The following MORC2 variants were observed in gnomAD, a reference collection of about 807,000 sequenced individuals.
MORC2 encodes the protein MORC family CW-type zinc finger 2.
Under a neutral mutation model 136.0 loss-of-function variants are expected in MORC2, and 30 were observed. That is an observed-to-expected ratio of 0.22 (90% CI 0.17 to 0.30). The LOEUF (loss-of-function observed/expected upper bound fraction) is 0.30, where lower values mean the gene tolerates loss of function less well. Among genes scored for constraint, MORC2 ranks in the 10% least tolerant of loss-of-function variants. The pLI is 1.00. For synonymous variants in MORC2, 439 were observed against 487.0 expected, an observed-to-expected ratio of 0.90 and a Z score of 1.30; for missense variants, 922 against 1,333.1, an observed-to-expected ratio of 0.69 and a Z score of 4.80.
intron 1 of MORC2, among the ~76,000 whole-genome samples, chr22:30,964,946 T>C (rs1217458736): frequency 1.3e-5 from 2 of 152,198 alleles, no homozygotes; most frequent in African/African-American, 2.4e-5. Context: ...ATGTTTACTG[T>C]GTACCACCGT....
At chr22:30,933,233 G>A (rs1248065468) in intron 21 of MORC2, among the ~76,000 whole-genome samples, 1 of 152,138 alleles carries the variant, frequency 6.6e-6, no homozygotes, top group Non-Finnish European at 1.5e-5. Context: ...CAAAAAGCAG[G>A]AGAACAAGTG....
At chr22:30,946,188 T>C (rs145638037) in intron 6 of MORC2, among the ~76,000 whole-genome samples, 153 bp downstream of exon 6, 1 of 152,294 alleles carries the variant, frequency 6.6e-6, no homozygotes, top group East Asian at 1.9e-4. Flanking sequence ...CCTCAACCAA[T>C]TCATCCAGCC....
rs561792208 is a variant in MORC2 at position 30,937,097 on chromosome 22, G to C, written c.1499-60C>G. 5.4e-6 allele frequency: 7 copies of C among 1,300,740 alleles called. No individual in the cohort carries two copies. The highest frequency in any genetic ancestry group is 1.2e-5 in the South Asian group (1 of 81,982). The allele number at this position is 1,300,740 out of a possible 1,614,324, so 80.6% of individuals were successfully genotyped here. A position where few individuals can be genotyped will look rare whatever the true frequency, so the allele number is the denominator to read the frequency against. ...CGCCCACCAACTCTATCTGTAATCC[G>C]GGTTCCTCACAGGCCCACCACAATG... On this transcript the variant is annotated intron_variant, in intron 15 of 25. Coordinates refer to ENST00000397641, the MANE Select transcript of MORC2 (RefSeq NM_001303256.3). This position sits in a 1 kb window ranked among gnomAD's most constrained non-coding sequence, Gnocchi z 4.7.
At chr22:30,961,994 G>C (rs2041053681) in intron 1 of MORC2, among the ~76,000 whole-genome samples, 1 of 152,042 alleles carries the variant, frequency 6.6e-6, no homozygotes, top group Non-Finnish European at 1.5e-5. Context: ...TCAGGAGTTT[G>C]AGACCAGCCT....
rs375749675 is a variant in MORC2 at position 30,933,562 on chromosome 22, C to G, written c.2326-42G>C. ...CTATTAGAGGCATCCCCAGTGCCCCCCAAGAGCAGACTTGTGCCTTACTGG... is the reference window on the plus strand; with the variant it reads ...CTATTAGAGGCATCCCCAGTGCCCCGCAAGAGCAGACTTGTGCCTTACTGG... On this transcript the variant is annotated intron_variant, in intron 20 of 25. Coordinates refer to ENST00000397641, the MANE Select transcript of MORC2 (RefSeq NM_001303256.3). 2.5e-6 allele frequency: 4 copies of G among 1,606,874 alleles called. No homozygotes were observed. In the South Asian group the frequency reaches 3.3e-5, roughly 13 times the overall value.
intron 5 of MORC2, among the ~76,000 whole-genome samples, chr22:30,947,146 C>T (rs1363660323): frequency 1.3e-5 from 2 of 152,206 alleles, no homozygotes; most frequent in Admixed American, 1.3e-4. Flanking sequence ...ATCTCCTGTC[C>T]CAGAAGTGTT....
rs1369195279 is a variant in MORC2, at chr22:30,934,190, G to C, written c.2195C>G (p.Ala732Gly). The C allele has an allele frequency of 5.0e-6, 8 of 1,614,128 alleles. No individual in the cohort carries two copies. The highest frequency in any genetic ancestry group is 6.8e-6 in the Non-Finnish European group (8 of 1,180,022). Residue 732 changes from alanine to glycine, a missense_variant and splice_region_variant, in exon 20 of 26, where the codon GCT becomes GGT. Physicochemically the swap from Ala to Gly is moderately conservative, Grantham distance 60. Around this residue, in one of 9 missense-constraint regions of MORC2, gnomAD observed 184 missense variants for 180.3 expected, o/e 1.02. Transcript: ENST00000397641. The surrounding 1 kb of genome is among the most constrained non-coding windows in gnomAD (Gnocchi z 4.4). ...KTESPIKLSP[A>G]TPSRKRSVAV... Reference sequence around the variant, plus strand: ...GACACTCCGCTTCCGACTAGGGGTAGCCTAGAGCAAGAGGAGCGTGAGGAT... The same window carrying C: ...GACACTCCGCTTCCGACTAGGGGTACCCTAGAGCAAGAGGAGCGTGAGGAT...
At chr22:30,956,292 C>A (rs2040967080) in intron 3 of MORC2, among the ~76,000 whole-genome samples, 1 of 152,166 alleles carries the variant, frequency 6.6e-6, no homozygotes, top group Admixed American at 6.5e-5. Context: ...AACAACTCAG[C>A]AAACCTCAGA....
intron 3 of MORC2, among the ~76,000 whole-genome samples, chr22:30,954,122 G>A (rs1487442166): frequency 6.6e-6 from 1 of 152,056 alleles, no homozygotes; most frequent in Non-Finnish European, 1.5e-5. Flanking sequence ...TGGGCAACAT[G>A]GTGAAAAAAT....
In MORC2 at chr22:30,932,531, A is replaced by G. The variant is rs1602477488; in HGVS notation, c.2747+14T>C. The G allele has an allele frequency of 6.2e-6, 10 of 1,613,866 alleles. No homozygotes were observed. The highest frequency in any genetic ancestry group is 8.5e-6 in the Non-Finnish European group (10 of 1,179,856). On this transcript the variant is annotated intron_variant, in intron 23 of 25. Transcript: ENST00000397641. This position sits in a 1 kb window ranked among gnomAD's most constrained non-coding sequence, Gnocchi z 4.4. ...CTGCTGGCCCTGGGGTGGGAAGACAAAAGACACATGTACCGGAGGATCTGG... is the reference window on the plus strand; with the variant it reads ...CTGCTGGCCCTGGGGTGGGAAGACAGAAGACACATGTACCGGAGGATCTGG...
rs764346454 is a variant in MORC2, at chr22:30,928,272, C to A, written c.2842-65G>T. ...CAGGGGTCCCCAGGGCCCTTCTAGG[C>A]TGACACGGGTGTCTCCAGCCCGCTT... is the stretch of plus-strand genomic sequence containing the variant. On this transcript the variant is annotated intron_variant, in intron 24 of 25. Coordinates refer to ENST00000397641, the MANE Select transcript of MORC2 (RefSeq NM_001303256.3). 2.0e-6 allele frequency: 3 copies of A among 1,534,714 alleles called. No individual in the cohort carries two copies. The African/African-American group carries it at 4.1e-5, about 21-fold the overall frequency.
At chr22:30,935,729 A>C (rs1226702153) in intron 17 of MORC2, among the ~76,000 whole-genome samples, 2 of 152,248 alleles carry the variant, frequency 1.3e-5, no homozygotes, top group African/African-American at 2.4e-5. Context: ...CAAAAAGGGA[A>C]ATGGTTGTGT....
chr22:30,931,678 T>C (rs2040577732), intron 24 of MORC2, among the ~76,000 whole-genome samples: 1 of 152,176 alleles, frequency 6.6e-6, no homozygotes, highest in South Asian at 2.1e-4. Context: ...AAATGCACAT[T>C]TTCTTCCAAC....
chr22:30,951,183 T>C (rs1007923470), intron 3 of MORC2, among the ~76,000 whole-genome samples: 2 of 152,192 alleles, frequency 1.3e-5, no homozygotes, highest in Non-Finnish European at 2.9e-5. Context: ...GCACAGCAGC[T>C]GTGGTGGGGT....
Position 30,941,465 on chromosome 22 carries a change from G to C in MORC2, c.792C>G (p.Thr264=). 6.2e-7 allele frequency: 1 copy of C among 1,613,978 alleles called. No individual in the cohort carries two copies. The highest frequency in any genetic ancestry group is 8.5e-7 in the Non-Finnish European group (1 of 1,179,980). The stretch of plus-strand genomic sequence containing the variant: ...TGTACAGGCAGCAGGAGAGCCTCTT[G>C]GTCTGCACCTTGTGCCCATGGATGA... ...RIFIHGHKVQ[T]KRLSCCLYKP... is the part of the protein sequence containing the mutation. The change falls in exon 9 of 26, where the codon ACC becomes ACG. Residue 264 remains threonine, a synonymous_variant. Coordinates refer to ENST00000397641, the MANE Select transcript of MORC2 (RefSeq NM_001303256.3). The surrounding 1 kb of genome is among the most constrained non-coding windows in gnomAD (Gnocchi z 4.6).
intron 3 of MORC2, among the ~76,000 whole-genome samples, chr22:30,954,063 G>C (rs77368708): frequency 1.3e-4 from 20 of 152,250 alleles, no homozygotes; most frequent in Admixed American, 3.9e-4. Flanking sequence ...CAGCACTTTG[G>C]GGGGCCAAGG....
Position 30,941,882 on chromosome 22 carries a change from C to G in MORC2, c.698+9G>C. On this transcript the variant is annotated intron_variant, in intron 8 of 25. Coordinates refer to ENST00000397641, the MANE Select transcript of MORC2 (RefSeq NM_001303256.3). This position sits in a 1 kb window ranked among gnomAD's most constrained non-coding sequence, Gnocchi z 4.6. ...TCCAGGGCCTCCCTCCCTTCCCAGC[C>G]ACACTCACGTGCCCTCTGGGGACGT... The G allele has an allele frequency of 6.3e-7, 1 of 1,597,512 alleles. No homozygotes were observed. Among genetic ancestry groups the G allele is most frequent in the African/African-American group, 1.3e-5 (1 of 74,654 alleles).
chr22:30,934,979 A>G lies in MORC2; in HGVS notation c.1995T>C (p.Ser665=), dbSNP rs1331830441. 2.5e-6 allele frequency: 4 copies of G among 1,614,066 alleles called. No homozygotes were observed. The highest frequency in any genetic ancestry group is 3.4e-6 in the Non-Finnish European group (4 of 1,180,014). The change falls in exon 19 of 26, where the codon TCT becomes TCC. Residue 665 remains serine (S), a synonymous_variant. Transcript: ENST00000397641. This position sits in a 1 kb window ranked among gnomAD's most constrained non-coding sequence, Gnocchi z 4.4. The part of the protein sequence containing the change: ...ALAAREEAST[S]RLLQPPEAPR... ...GTGCCTCAGGTGGCTGGAGCAGCCT[A>G]GATGTGCTGGCCTCCTCCCGGGCTG...
intron 1 of MORC2, among the ~76,000 whole-genome samples, chr22:30,959,054 T>C (rs2041006724): frequency 6.6e-6 from 1 of 152,250 alleles, no homozygotes; most frequent in Admixed American, 6.5e-5. Flanking sequence ...CAGTGGTCAG[T>C]TTCTGCATAT....
Sources: gnomAD v4.1 joint callset for allele counts (sites outside exome capture counted in the v4.1 genomes callset) on GRCh38, gnomAD v4.1.1 for gene constraint, gnomAD v4.1.1 regional missense constraint, Gnocchi (gnomAD v3.1) non-coding constraint, MANE v1.5 for transcripts, NCBI Gene and HGNC (gene_info 2026-07-23, HGNC 2026-07-21) for gene names.